The following AGL variants were observed in gnomAD, a reference collection of about 807,000 sequenced individuals.
AGL encodes the protein glycogen debranching enzyme.
A neutral mutation model predicts 199.3 loss-of-function variants in AGL; 128 were observed. The observed-to-expected ratio is 0.64, with a 90% CI of 0.56 to 0.74. The LOEUF is 0.74. Ranked by LOEUF, AGL falls within the 30% of genes least tolerant of loss-of-function variation. The pLI is 0.00. For missense variants in AGL, 1,809 were observed against 1,820.8 expected (o/e 0.99, Z 0.12); for synonymous variants, 584 against 594.7 (o/e 0.98, Z 0.26).
In AGL at chr1:99,920,666, T is replaced by G. The variant is rs868632764; in HGVS notation, c.4482-868T>G. ...AAATACCCTGTTTTACCTAATGGGA[T>G]TATTTTTTCCCATTTTTACTATGAA... On this transcript the variant is annotated intron_variant, in intron 33 of 33. Coordinates refer to ENST00000361915, the MANE Select transcript of AGL (RefSeq NM_000642.3). Among the ~76,000 whole-genome samples the G allele has an allele frequency of 3.9e-4, 59 of 152,316 alleles. 1 individual carries two copies. The highest frequency in any genetic ancestry group is 3.4e-3 in the Middle Eastern group (1 of 294).
intron 5 of AGL, 85 bp from the exon 6 acceptor site, chr1:99,870,315 A>T (rs1311620433): frequency 7.3e-7 from 1 of 1,379,266 alleles, no homozygotes; most frequent in South Asian, 1.2e-5. Flanking sequence ...GTAGATCTTT[A>T]TATTTTATTT....
rs551729792 is a variant in AGL at position 99,861,371 on chromosome 1, A to G, written c.83-132A>G. The G allele has an allele frequency of 1.8e-5, 28 of 1,536,214 alleles. No individual in the cohort carries two copies. The African/African-American group carries it at 3.1e-4, about 17-fold the overall frequency. On this transcript the variant is annotated intron_variant, in intron 2 of 33. Coordinates refer to ENST00000361915, the MANE Select transcript of AGL (RefSeq NM_000642.3). Reference sequence around the variant, plus strand: ...GAATACAAAGTAGTGCCAAAACAGCATTAGGTTTGCGGAGTTATTTTAAAC... The same window carrying G: ...GAATACAAAGTAGTGCCAAAACAGCGTTAGGTTTGCGGAGTTATTTTAAAC...
At chr1:99,912,275 A>C in intron 28 of AGL, 130 bp from the exon 29 acceptor site, 2 of 735,654 alleles carry the variant, frequency 2.7e-6, no homozygotes, top group South Asian at 3.6e-5. Flanking sequence ...ACACATTCCT[A>C]TAGAGTAAGG....
At chr1:99,873,725 T>C (rs921207422) in intron 7 of AGL, among the ~76,000 whole-genome samples, 2 of 152,236 alleles carry the variant, frequency 1.3e-5, no homozygotes, top group South Asian at 4.1e-4. Flanking sequence ...CAAGCCACCA[T>C]GCCCGGCGGC....
intron 10 of AGL, 94 bp from the exon 11 acceptor site, chr1:99,876,364 C>G (rs961647887): frequency 1.0e-6 from 1 of 967,066 alleles, no homozygotes; most frequent in Admixed American, 2.6e-5. Context: ...TTATTCTATT[C>G]ATTAGAAAAG....
chr1:99,901,523 A>G lies in AGL; in HGVS notation c.3588+662A>G, dbSNP rs546606413. ...TAAAATACGTTTTGTGAAAAAGTCA[A>G]TATGGTTTGGCTTTTTGTGTAGGAT... On this transcript the variant is annotated intron_variant, in intron 26 of 33. Coordinates refer to ENST00000361915, the MANE Select transcript of AGL (RefSeq NM_000642.3). 9.6e-4 allele frequency among the ~76,000 whole-genome samples: 146 copies of G among 152,178 alleles called. 1 individual carries two copies. The highest frequency in any genetic ancestry group is 3.3e-3 in the African/African-American group (138 of 41,530).
At chr1:99,900,937 A>C in intron 26 of AGL, 76 bp downstream of exon 26, 1 of 1,267,036 alleles carries the variant, frequency 7.9e-7, no homozygotes, top group Non-Finnish European at 1.1e-6. Context: ...CTAATGTAAA[A>C]ATAAGGGTAA....
intron 25 of AGL, 90 bp from the exon 26 acceptor site, chr1:99,900,546 C>A: frequency 8.1e-7 from 1 of 1,227,494 alleles, no homozygotes; most frequent in Non-Finnish European, 1.2e-6. Flanking sequence ...AAAACGCATT[C>A]AAAATATAGT....
chr1:99,916,881 T>A (rs1408340768), intron 33 of AGL, 150 bp downstream of exon 33: 2 of 872,490 alleles, frequency 2.3e-6, no homozygotes, highest in African/African-American at 3.4e-5. Flanking sequence ...TGACAAATTC[T>A]GTTATATAAT....
At chr1:99,887,693 T>C (rs1377630232) in intron 20 of AGL, among the ~76,000 whole-genome samples, 1 of 152,182 alleles carries the variant, frequency 6.6e-6, no homozygotes, top group Non-Finnish European at 1.5e-5. Flanking sequence ...AGATAAAGGA[T>C]ATAGAAGCCA....
rs1652859579 is a variant in AGL, at chr1:99,891,138, G to C, written c.2813-82G>C. ...ATTCACCCCAAATCACTAGAATAGA[G>C]ACTAGCAGAATAGGGACTAGAGGAT... On this transcript the variant is annotated intron_variant, in intron 21 of 33. Transcript: ENST00000361915. 20 of 1,561,370 alleles carry C rather than the reference G, an allele frequency of 1.3e-5. 2 individuals are homozygous for C. In the South Asian group the frequency reaches 1.8e-4, roughly 14 times the overall value.
chr1:99,888,141 T>C, intron 21 of AGL, 33 bp downstream of exon 21: 1 of 1,609,546 alleles, frequency 6.2e-7, no homozygotes, highest in Non-Finnish European at 8.5e-7. Context: ...GAGCTTTGTG[T>C]TTTTCTTTTA....
Position 99,884,207 on chromosome 1 carries a change from C to CA in AGL, c.2397dup (p.Pro800ThrfsTer8), listed in dbSNP as rs1652267866. On this transcript the variant is annotated frameshift_variant, in exon 18 of 34. Transcript: ENST00000361915. LOFTEE classifies it high-confidence loss of function. ...AAGGATGAGAATTCAATCAATGGAACACCAGATATCACAGTAGAAATTAGA... is the reference window on the plus strand; with the variant it reads ...AAGGATGAGAATTCAATCAATGGAACAACCAGATATCACAGTAGAAATTAGA... The CA allele has an allele frequency of 6.2e-7, 1 of 1,612,990 alleles. No homozygotes were observed. Among genetic ancestry groups the CA allele is most frequent in the African/African-American group, 1.3e-5 (1 of 74,868 alleles).
At chr1:99,852,439 G>T in intron 2 of AGL, 3 of 476,272 alleles carry the variant, frequency 6.3e-6, no homozygotes, top group Non-Finnish European at 1.1e-5. Context: ...GCATGATCAT[G>T]GCTCAGTGCT....
Position 99,881,413 on chromosome 1 carries a change from TTCA to T in AGL, c.2127_2129del (p.His709del). 1 of 1,614,140 alleles carries T rather than the reference TTCA, an allele frequency of 6.2e-7. No homozygotes were observed. The highest frequency in any genetic ancestry group is 8.5e-7 in the Non-Finnish European group (1 of 1,179,996). On this transcript the variant is annotated inframe_deletion, in exon 16 of 34. Transcript: ENST00000361915. The stretch of plus-strand genomic sequence containing the variant: ...GCAGCCAGGTGTGCTATCAGTAAAC[TTCA>T]TCAGGAGCTTGGAGCCAAGGGTTTT...
chr1:99,870,086 T>C (rs1650859723), intron 5 of AGL, among the ~76,000 whole-genome samples: 2 of 152,126 alleles, frequency 1.3e-5, no homozygotes, highest in South Asian at 2.1e-4. Context: ...ATCCAACTTA[T>C]CAAAACAACG....
intron 5 of AGL, among the ~76,000 whole-genome samples, chr1:99,867,351 G>C (rs1253608092): frequency 6.6e-6 from 1 of 152,126 alleles, no homozygotes; most frequent in African/African-American, 2.4e-5. Flanking sequence ...ACCAAGACCT[G>C]CTCCATTATC....
rs1361477641 is a variant in AGL at position 99,880,037 on chromosome 1, TTAA to T, written c.1730_1732del (p.Ile577del). Reference sequence around the variant, plus strand: ...TGTTACTAGACTGGGCATTAGTTCCTTAATAAGAGGTAGGCTTGTTGGAGTGTA... The same window carrying T: ...TGTTACTAGACTGGGCATTAGTTCCTTAAGAGGTAGGCTTGTTGGAGTGTA... On this transcript the variant is annotated inframe_deletion, in exon 13 of 34. Transcript: ENST00000361915. 6 of 1,613,482 alleles carry T rather than the reference TTAA, an allele frequency of 3.7e-6. No individual in the cohort carries two copies. The highest frequency in any genetic ancestry group is 5.1e-6 in the Non-Finnish European group (6 of 1,179,552).
At chr1:99,915,894 T>C (rs951795692) in intron 31 of AGL, among the ~76,000 whole-genome samples, 6 of 152,218 alleles carry the variant, frequency 3.9e-5, no homozygotes, top group Non-Finnish European at 2.9e-5. Context: ...ATAAGTTCCA[T>C]GTATTACAAT....
Sources: gnomAD v4.1 joint callset for allele counts (sites outside exome capture counted in the v4.1 genomes callset) on GRCh38, gnomAD v4.1.1 for gene constraint, MANE v1.5 for transcripts, NCBI Gene and HGNC (gene_info 2026-07-23, HGNC 2026-07-21) for gene names.